The following CNIH3 variants were observed in gnomAD, a reference collection of about 807,000 sequenced individuals.
The protein encoded by CNIH3 is protein cornichon homolog 3.
A neutral mutation model predicts 24.1 loss-of-function variants in CNIH3; 14 were observed. That is an observed-to-expected ratio of 0.58 (90% CI 0.38 to 0.91). CNIH3 has a LOEUF of 0.91. Ranked by LOEUF, CNIH3 falls within the 40% of genes least tolerant of loss-of-function variation. The pLI is 0.00. For missense variants in CNIH3, 178 were observed against 196.8 expected, an observed-to-expected ratio of 0.90 and a Z score of 0.57; for synonymous variants, 68 against 73.8, an observed-to-expected ratio of 0.92 and a Z score of 0.40.
chr1:224,598,796 C>A (rs1488834425), intron 3 of CNIH3, among the ~76,000 whole-genome samples: 1 of 152,190 alleles, frequency 6.6e-6, no homozygotes, highest in Non-Finnish European at 1.5e-5. Context: ...TTATTTTAGA[C>A]TGAATACTAT....
chr1:224,616,908 C>T lies in CNIH3; in HGVS notation c.-267C>T. ...TTCGCTGCTGATTTGGTTTCTTCTTCGATTTGCGGACGGTTCCCTCCAGCG... is the reference window on the plus strand; with the variant it reads ...TTCGCTGCTGATTTGGTTTCTTCTTTGATTTGCGGACGGTTCCCTCCAGCG... On this transcript the variant is annotated 5_prime_UTR_variant, in exon 1 of 6. Coordinates refer to ENST00000272133, the MANE Select transcript of CNIH3 (RefSeq NM_152495.2). 2 of 1,303,014 alleles carry T rather than the reference C, an allele frequency of 1.5e-6. No individual in the cohort carries two copies. Among genetic ancestry groups the T allele is most frequent in the Non-Finnish European group, 1.9e-6 (2 of 1,028,722 alleles). The allele number at this position is 1,303,014 out of a possible 1,614,324, so 80.7% of individuals were successfully genotyped here.
intron 1 of CNIH3, among the ~76,000 whole-genome samples, chr1:224,487,660 C>T (rs924632219): frequency 1.3e-5 from 2 of 152,206 alleles, no homozygotes; most frequent in African/African-American, 4.8e-5. Flanking sequence ...ATAGAAGAAG[C>T]TTCCCTTTCT....
intron 1 of CNIH3, among the ~76,000 whole-genome samples, chr1:224,668,829 T>C (rs1685726351): frequency 1.3e-5 from 2 of 151,364 alleles, no homozygotes; most frequent in South Asian, 4.2e-4. Context: ...TGGGGGTGAT[T>C]ACCTGGGGTA....
chr1:224,456,080 G>C (rs1231785202), intron 1 of CNIH3, among the ~76,000 whole-genome samples: 1 of 152,104 alleles, frequency 6.6e-6, no homozygotes, highest in African/African-American at 2.4e-5. Flanking sequence ...TAGCAGATGT[G>C]GTTACTCAAC....
At position 224,734,432 on chromosome 1, in the gene CNIH3, G is replaced by A. The variant is rs189852546; in HGVS notation, c.312-131G>A. The A allele has an allele frequency of 5.5e-3, 4,672 of 847,446 alleles. 22 individuals carry two copies. The highest frequency in any genetic ancestry group is 8.4e-3 in the Admixed American group (381 of 45,210). The allele number at this position is 847,446 out of a possible 1,614,324, so 52.5% of individuals were successfully genotyped here. On this transcript the variant is annotated intron_variant, in intron 4 of 5. Transcript: ENST00000272133. Reference sequence around the variant, plus strand: ...GCCACTCTTCAGCGGTGCTTCAACTGTGATTTGGGCAGAAGGCAGGCAATT... The same window carrying A: ...GCCACTCTTCAGCGGTGCTTCAACTATGATTTGGGCAGAAGGCAGGCAATT...
intron 1 of CNIH3, among the ~76,000 whole-genome samples, chr1:224,491,644 C>T (rs1677241643): frequency 6.6e-6 from 1 of 151,962 alleles, no homozygotes; most frequent in Non-Finnish European, 1.5e-5. Context: ...CTCACTCTGT[C>T]ACCCAGGCTG....
At chr1:224,622,364 G>A (rs1397983922) in intron 1 of CNIH3, among the ~76,000 whole-genome samples, 1 of 152,188 alleles carries the variant, frequency 6.6e-6, no homozygotes, top group Non-Finnish European at 1.5e-5. Context: ...AGCAGATTGG[G>A]GAGAAGCACT....
chr1:224,563,186 C>T (rs890059660), intron 3 of CNIH3, among the ~76,000 whole-genome samples: 2 of 152,114 alleles, frequency 1.3e-5, no homozygotes, highest in African/African-American at 4.8e-5. Flanking sequence ...GGTCATGCTT[C>T]TTGTACAGGC....
intron 3 of CNIH3, among the ~76,000 whole-genome samples, chr1:224,712,959 G>C (rs1467801882): frequency 6.6e-6 from 1 of 152,184 alleles, no homozygotes; most frequent in African/African-American, 2.4e-5. Flanking sequence ...AAATGTCTCA[G>C]ATTTTCTGGC....
At chr1:224,693,489 TC>T (rs1200428173) in intron 3 of CNIH3, among the ~76,000 whole-genome samples, 4 of 152,234 alleles carry the variant, frequency 2.6e-5, no homozygotes, top group African/African-American at 4.8e-5. Flanking sequence ...GGGATGTTCT[TC>T]TGGTCTTGGC....
intron 1 of CNIH3, among the ~76,000 whole-genome samples, chr1:224,445,504 A>T (rs1168362858): frequency 7.5e-6 from 1 of 133,736 alleles, no homozygotes; most frequent in African/African-American, 2.8e-5. Context: ...TGAACCTGGG[A>T]GGTGGAGGTT....
chr1:224,438,053 C>T (rs1247452821), intron 1 of CNIH3, among the ~76,000 whole-genome samples: 2 of 151,940 alleles, frequency 1.3e-5, no homozygotes, highest in Non-Finnish European at 2.9e-5. Context: ...GCTGGGACTA[C>T]AGGCAACCAC....
chr1:224,462,279 C>T (rs1164000991), intron 1 of CNIH3, among the ~76,000 whole-genome samples: 2 of 152,158 alleles, frequency 1.3e-5, no homozygotes, highest in African/African-American at 4.8e-5. Context: ...TGACATGTAT[C>T]CACCATCGTA....
chr1:224,631,321 A>G (rs961149255), intron 1 of CNIH3, among the ~76,000 whole-genome samples: 15 of 151,946 alleles, frequency 9.9e-5, no homozygotes. Flanking sequence ...CTCTCCATTC[A>G]TCAGCTTTCC....
intron 2 of CNIH3, among the ~76,000 whole-genome samples, chr1:224,522,986 T>A (rs1406574898): frequency 2.0e-5 from 3 of 152,166 alleles, no homozygotes; most frequent in African/African-American, 7.2e-5. Context: ...TTAAGCCCAG[T>A]GTTTTGGGGA....
chr1:224,586,482 C>A (rs999237137), intron 5 of CNIH3, among the ~76,000 whole-genome samples: 9 of 152,142 alleles, frequency 5.9e-5, no homozygotes, highest in Admixed American at 5.9e-4. Context: ...CTGGGTCCCT[C>A]CCACAACATG....
At chr1:224,646,249 CAG>C (rs759069766) in intron 1 of CNIH3, among the ~76,000 whole-genome samples, 28 of 152,272 alleles carry the variant, frequency 1.8e-4, no homozygotes, top group Non-Finnish European at 3.5e-4. Flanking sequence ...AAGAGAAAGA[CAG>C]AGGGATTAGT....
At chr1:224,464,556 C>T (rs1676076404) in intron 1 of CNIH3, among the ~76,000 whole-genome samples, 1 of 152,210 alleles carries the variant, frequency 6.6e-6, no homozygotes, top group South Asian at 2.1e-4. Flanking sequence ...TCCAATTGTT[C>T]CAGAACTATT....
chr1:224,621,093 T>A (rs1050666530), intron 1 of CNIH3, among the ~76,000 whole-genome samples: 1 of 152,184 alleles, frequency 6.6e-6, no homozygotes, highest in African/African-American at 2.4e-5. Context: ...ATATTTGGAG[T>A]CACTATGAGT....
Sources: gnomAD v4.1 joint callset for allele counts (sites outside exome capture counted in the v4.1 genomes callset) on GRCh38, gnomAD v4.1.1 for gene constraint, MANE v1.5 for transcripts, NCBI Gene and HGNC (gene_info 2026-07-23, HGNC 2026-07-21) for gene names.